The following TOR1AIP2 variants were observed in gnomAD, a reference collection of about 807,000 sequenced individuals.
TOR1AIP2 encodes the protein torsin-1A-interacting protein 2.
In TOR1AIP2, 20 loss-of-function variants were observed where a neutral mutation model predicts 32.6. The observed-to-expected ratio is 0.61, with a 90% CI of 0.43 to 0.89. The LOEUF is 0.89. Ranked by LOEUF, TOR1AIP2 falls within the 40% of genes least tolerant of loss-of-function variation. The pLI, the probability that TOR1AIP2 is intolerant of heterozygous loss-of-function variation, is 0.00. For synonymous variants in TOR1AIP2, 214 were observed against 210.8 expected, an observed-to-expected ratio of 1.02 and a Z score of -0.13; for missense variants, 456 against 553.8, an observed-to-expected ratio of 0.82 and a Z score of 1.77.
intron 5 of TOR1AIP2, 28 bp downstream of exon 5, chr1:179,850,817 A>G: frequency 6.2e-7 from 1 of 1,601,776 alleles, no homozygotes; most frequent in Non-Finnish European, 8.5e-7. Flanking sequence ...AGTACAAAAC[A>G]GGAGAGTAGT....
At position 179,840,788 on chromosome 1, in the gene TOR1AIP2, A is replaced by C. The variant is rs1196913948; in HGVS notation, c.*5283T>G. The C allele has an allele frequency of 6.6e-6, 1 of 151,930 alleles. No individual in the cohort carries two copies. The highest frequency in any genetic ancestry group is 1.5e-5 in the Non-Finnish European group (1 of 68,006). 9.4% of individuals were successfully genotyped at this position (151,930 alleles called of 1,614,324 possible). ...AGGGATAGCATTAGGAGAAATACCT[A>C]ATGTAGATGACGGGTTGATGGGTGC... On this transcript the variant is annotated 3_prime_UTR_variant, in exon 7 of 7. Transcript: ENST00000609928.
chr1:179,863,574 A>C (rs1696640610), intron 3 of TOR1AIP2: 1 of 984,796 alleles, frequency 1.0e-6, no homozygotes, highest in Non-Finnish European at 1.2e-6. Context: ...CACGCCTGTA[A>C]TCCCAGCACC....
At chr1:179,864,888 T>C (rs1696705179) in intron 3 of TOR1AIP2, 2 of 1,614,034 alleles carry the variant, frequency 1.2e-6, no homozygotes, top group Non-Finnish European at 1.7e-6. Flanking sequence ...ATTCTTTTTC[T>C]AACCAGTGGA....
chr1:179,855,446 CCT>C (rs1314707573), intron 3 of TOR1AIP2, among the ~76,000 whole-genome samples: 1 of 151,936 alleles, frequency 6.6e-6, no homozygotes, highest in Non-Finnish European at 1.5e-5. Context: ...AATATGAAAA[CCT>C]AATGAATATT....
intron 5 of TOR1AIP2, among the ~76,000 whole-genome samples, chr1:179,848,923 G>A (rs1696016288): frequency 2.0e-5 from 3 of 152,024 alleles, no homozygotes; most frequent in Admixed American, 6.6e-5. Flanking sequence ...AAGGTCAGGA[G>A]ATCGAGACCA....
At position 179,845,735 on chromosome 1, in the gene TOR1AIP2, T is replaced by C. The variant is rs1695878843; in HGVS notation, c.*336A>G. On this transcript the variant is annotated 3_prime_UTR_variant, in exon 7 of 7. Coordinates refer to ENST00000609928, the MANE Select transcript of TOR1AIP2 (RefSeq NM_001199260.2). ...AGTCTCACTCAAGAAAAAAAAAAAA[T>C]CACTCTGTAGTTACTCTAAGAAGTA... 1 of 179,882 alleles carries C rather than the reference T, an allele frequency of 5.6e-6. No homozygotes were observed. Among genetic ancestry groups the C allele is most frequent in the East Asian group, 1.5e-4 (1 of 6,850 alleles). 11.1% of individuals were successfully genotyped at this position (179,882 alleles called of 1,614,324 possible).
rs1437609802 is a variant in TOR1AIP2 at position 179,841,691 on chromosome 1, C to T, written c.*4380G>A. 2 of 152,202 alleles carry T rather than the reference C, an allele frequency of 1.3e-5. No homozygotes were observed. The highest frequency in any genetic ancestry group is 4.8e-5 in the African/African-American group (2 of 41,458). 9.4% of individuals were successfully genotyped at this position (152,202 alleles called of 1,614,324 possible). On this transcript the variant is annotated 3_prime_UTR_variant, in exon 7 of 7. Transcript: ENST00000609928. ...TTTATTCTGATTAAATAAATGATTA[C>T]CCTAATCAGCTATTATTTATTATTT...
chr1:179,872,730 A>G (rs1314560337), intron 2 of TOR1AIP2, among the ~76,000 whole-genome samples: 1 of 152,104 alleles, frequency 6.6e-6, no homozygotes. Context: ...TTGTATCTCT[A>G]GTTTCGGTTG....
Position 179,846,200 on chromosome 1 carries a change from G to GGA in TOR1AIP2, c.1283_1284insTC (p.Ser429ProfsTer16), listed in dbSNP as rs1695895906. 4.3e-6 allele frequency: 7 copies of GGA among 1,614,222 alleles called. No homozygotes were observed. Among genetic ancestry groups the GGA allele is most frequent in the Non-Finnish European group, 5.9e-6 (7 of 1,180,046 alleles). ...GGTTGAAGGAGGTGGGAGTGTCAGA[G>GGA]TTGGTAAACTTGGCCCAGAGTAAGT... On this transcript the variant is annotated frameshift_variant, in exon 7 of 7. Coordinates refer to ENST00000609928, the MANE Select transcript of TOR1AIP2 (RefSeq NM_001199260.2). LOFTEE classifies it high-confidence loss of function.
chr1:179,873,862 C>G (rs888891019), intron 2 of TOR1AIP2: 1 of 152,182 alleles, frequency 6.6e-6, no homozygotes, highest in Admixed American at 6.5e-5. Flanking sequence ...ATACCAGGAA[C>G]TCCTTCAAGT....
At chr1:179,864,589 C>T in intron 3 of TOR1AIP2, 2 of 1,321,600 alleles carry the variant, frequency 1.5e-6, no homozygotes, top group Non-Finnish European at 1.9e-6. Context: ...TCTAGATGAA[C>T]AGGCTGGCTG....
In TOR1AIP2 at chr1:179,847,636, T is replaced by C; in HGVS notation, c.554A>G (p.Glu185Gly). The stretch of plus-strand genomic sequence containing the variant: ...TGTTTGTTGTGGATGACTTCCAGCC[T>C]CTGGAGAGGAAAAGAATCAATATTA... ...DTLRRRLLAP[E>G]AGSHPQQTQK... Residue 185 changes from glutamate (E) to glycine (G), a missense_variant and splice_region_variant, in exon 6 of 7, where the codon GAG (glutamate) becomes GGG (glycine). Transcript: ENST00000609928. 6.3e-7 allele frequency: 1 copy of C among 1,593,480 alleles called. No homozygotes were observed. The highest frequency in any genetic ancestry group is 8.6e-7 in the Non-Finnish European group (1 of 1,161,306).
chr1:179,865,067 T>C (rs775012856), intron 3 of TOR1AIP2: 3 of 1,613,952 alleles, frequency 1.9e-6, no homozygotes, highest in Non-Finnish European at 2.5e-6. Context: ...TAAGAATACC[T>C]GGTAACATTC....
chr1:179,850,538 G>A (rs1047707159), intron 5 of TOR1AIP2, among the ~76,000 whole-genome samples: 2 of 152,148 alleles, frequency 1.3e-5, no homozygotes, highest in Non-Finnish European at 2.9e-5. Flanking sequence ...AACCAGAAGC[G>A]AATTTTTTAA....
chr1:179,864,465 G>A (rs1696685077), intron 3 of TOR1AIP2: 1 of 1,072,936 alleles, frequency 9.3e-7, no homozygotes, highest in Non-Finnish European at 1.1e-6. Context: ...GGACTACTTT[G>A]TCATATGACA....
At position 179,859,162 on chromosome 1, in the gene TOR1AIP2, G is replaced by A. The variant is rs551291920; in HGVS notation, c.-147+6274C>T. 8 of 985,266 alleles carry A rather than the reference G, an allele frequency of 8.1e-6. No individual in the cohort carries two copies. The South Asian group carries it at 1.4e-4, about 17-fold the overall frequency. 61.0% of individuals were successfully genotyped at this position (985,266 alleles called of 1,614,324 possible). A position where few individuals can be genotyped will look rare whatever the true frequency, so the allele number is the denominator to read the frequency against. Reference sequence around the variant, plus strand: ...GTAGTTACAATCCTGCTATGAAAACGAGTAACAAATAAAGCATATACAACA... The same window carrying A: ...GTAGTTACAATCCTGCTATGAAAACAAGTAACAAATAAAGCATATACAACA... On this transcript the variant is annotated intron_variant, in intron 3 of 6. Transcript: ENST00000609928.
intron 3 of TOR1AIP2, chr1:179,860,468 C>A (rs747630279): frequency 2.0e-6 from 2 of 984,620 alleles, no homozygotes; most frequent in Non-Finnish European, 2.4e-6. Context: ...GGTGACAGAA[C>A]GAGACTCTGT....
Position 179,841,455 on chromosome 1 carries a change from C to T in TOR1AIP2, c.*4616G>A, listed in dbSNP as rs1045255042. 6.6e-6 allele frequency: 1 copy of T among 152,158 alleles called. No individual in the cohort carries two copies. The highest frequency in any genetic ancestry group is 1.5e-5 in the Non-Finnish European group (1 of 68,014). The allele number at this position is 152,158 out of a possible 1,614,324, so 9.4% of individuals were successfully genotyped here. A position where few individuals can be genotyped will look rare whatever the true frequency, so the allele number is the denominator to read the frequency against. On this transcript the variant is annotated 3_prime_UTR_variant, in exon 7 of 7. Transcript: ENST00000609928. ...TTATTTTCAAATGGTAAAGGAAAGG[C>T]TTCATGTTGCTATTTGAAAGTACTT...
At chr1:179,861,785 T>C (rs1016960958) in intron 3 of TOR1AIP2, 3 of 985,322 alleles carry the variant, frequency 3.0e-6, no homozygotes, top group Non-Finnish European at 2.4e-6. Context: ...TATGGACATA[T>C]TACTACAGCA....
Sources: gnomAD v4.1 joint callset for allele counts (sites outside exome capture counted in the v4.1 genomes callset) on GRCh38, gnomAD v4.1.1 for gene constraint, MANE v1.5 for transcripts, NCBI Gene and HGNC (gene_info 2026-07-23, HGNC 2026-07-21) for gene names.